MCF2: variants seen among roughly 807,000 people sequenced by gnomAD.
The protein encoded by MCF2 is proto-oncogene DBL.
MCF2 carries 44 observed loss-of-function variants against 82.5 expected under a neutral mutation model. The observed-to-expected ratio is 0.53, with a 90% CI of 0.42 to 0.69. The LOEUF is 0.69. MCF2 is among the 30% of genes least tolerant of loss of function. MCF2 has a pLI of 0.00. For synonymous variants in MCF2, 217 were observed against 224.9 expected (o/e 0.96, Z 0.32); for missense variants, 623 against 663.1 (o/e 0.94, Z 0.66).
intron 1 of MCF2, among the ~76,000 whole-genome samples, chrX:139,698,160 T>C (rs1036370864): frequency 4.5e-5 from 5 of 111,892 alleles, no homozygotes; most frequent in African/African-American, 1.6e-4. Context: ...AAAATAAAAA[T>C]AAAAATAAAA....
chrX:139,636,081 T>C (rs1446905528), intron 1 of MCF2, among the ~76,000 whole-genome samples: 1 of 111,500 alleles, frequency 9.0e-6, no homozygotes, highest in Non-Finnish European at 1.9e-5. Context: ...AATAAGATAG[T>C]TTTAAAATTT....
At chrX:139,685,567 A>G (rs920927207) in intron 1 of MCF2, among the ~76,000 whole-genome samples, 1 of 110,957 alleles carries the variant, frequency 9.0e-6, no homozygotes, top group Non-Finnish European at 1.9e-5. Flanking sequence ...GTCAGCCCTT[A>G]AAAGGGACAG....
chrX:139,614,758 C>T, intron 10 of MCF2, 123 bp downstream of exon 13: 1 of 651,994 alleles, frequency 1.5e-6, no homozygotes. Flanking sequence ...ATAAATATGA[C>T]CAAAGATGCT....
chrX:139,620,023 GTGTGTA>G (rs1307722539), intron 6 of MCF2, among the ~76,000 whole-genome samples: 13 of 99,703 alleles, frequency 1.3e-4, no homozygotes, highest in Non-Finnish European at 1.8e-4. Context: ...GTGTGTGTGT[GTGTGTA>G]TATATATATA....
rs1199212515 is a variant in MCF2 at position 139,686,677 on chromosome X, C to G, written c.-45+21429G>C. ...CCAAAAATGTTAGCATTATCCTTAA[C>G]TCCTCTTTCTCTCATACTCCATATC... On this transcript the variant is annotated intron_variant, in intron 1 of 27. Coordinates refer to the MCF2 transcript ENST00000414978. 3.6e-5 allele frequency among the ~76,000 whole-genome samples: 4 copies of G among 111,579 alleles called. No individual in the cohort carries two copies. The Admixed American group carries it at 3.8e-4, about 11-fold the overall frequency.
chrX:139,586,404 G>A (rs764275180), exon 23 of MCF2: 15 of 1,206,498 alleles, frequency 1.2e-5, no homozygotes, highest in Middle Eastern at 4.6e-4. Flanking sequence ...CTGAACTGAC[G>A]CAATTGCCTC....
intron 19 of MCF2, among the ~76,000 whole-genome samples, chrX:139,590,863 T>G (rs1929458141): frequency 9.1e-6 from 1 of 110,384 alleles, no homozygotes; most frequent in Admixed American, 9.8e-5. Context: ...AAAGCACTTA[T>G]GCTTAGAAAT....
chrX:139,597,439 C>A (rs1375685530), intron 18 of MCF2, 21 bp downstream of exon 22: 1 of 1,168,368 alleles, frequency 8.6e-7, no homozygotes, highest in Non-Finnish European at 1.2e-6. Flanking sequence ...AAAATTCCAA[C>A]AATTATTAAA....
intron 20 of MCF2, among the ~76,000 whole-genome samples, chrX:139,589,463 T>A (rs1279219890): frequency 2.7e-5 from 3 of 111,674 alleles, no homozygotes; most frequent in African/African-American, 9.8e-5. Flanking sequence ...GTCTGAACTG[T>A]CACATCCCCA....
At position 139,697,592 on chromosome X, in the gene MCF2, G is replaced by A. The variant is rs552409832; in HGVS notation, c.-45+10514C>T. ...CCTGAAAAGTATGTTAAATGCAAGG[G>A]AGTCACTTTGACACCCTCAGCTAAG... On this transcript the variant is annotated intron_variant, in intron 1 of 27. Transcript: ENST00000414978. 2.1e-4 allele frequency among the ~76,000 whole-genome samples: 23 copies of A among 111,808 alleles called. 1 individual carries two copies. In the South Asian group the frequency reaches 8.3e-3, roughly 41 times the overall value.
At chrX:139,663,344 T>C (rs966968037) in intron 1 of MCF2, among the ~76,000 whole-genome samples, 8 of 112,154 alleles carry the variant, frequency 7.1e-5, no homozygotes, top group African/African-American at 2.6e-4. Flanking sequence ...GAATGTTCCA[T>C]GTGTAGATGA....
At chrX:139,586,626 T>C (rs972282836) in intron 22 of MCF2, 139 bp from the exon 27 acceptor site, 33 of 427,599 alleles carry the variant, frequency 7.7e-5, no homozygotes, top group Non-Finnish European at 1.1e-4. Flanking sequence ...TACTCCCTAT[T>C]TAAATCTGTG....
chrX:139,687,739 C>A (rs753523411), intron 1 of MCF2, among the ~76,000 whole-genome samples: 6 of 112,072 alleles, frequency 5.4e-5, no homozygotes, highest in Admixed American at 9.5e-5. Flanking sequence ...TGTTATTATG[C>A]CTCGATTAGC....
chrX:139,603,351 C>G (rs1468738711), intron 15 of MCF2, among the ~76,000 whole-genome samples: 1 of 112,176 alleles, frequency 8.9e-6, no homozygotes, highest in Non-Finnish European at 1.9e-5. Flanking sequence ...TATGGACTCT[C>G]GTTCTAAGGG....
At chrX:139,612,306 T>C (rs1220595090) in intron 10 of MCF2, among the ~76,000 whole-genome samples, 5 of 110,457 alleles carry the variant, frequency 4.5e-5, no homozygotes, top group East Asian at 2.8e-4. Flanking sequence ...GAGTTGCCTA[T>C]GGGAAATTCA....
chrX:139,705,609 T>C (rs941978312), intron 1 of MCF2, among the ~76,000 whole-genome samples: 12 of 112,119 alleles, frequency 1.1e-4, no homozygotes, highest in Non-Finnish European at 2.1e-4. Flanking sequence ...ACTATAGAAA[T>C]CCTGGAAGAA....
At chrX:139,597,495 C>A in exon 18 of MCF2, 1 of 1,198,348 alleles carries the variant, frequency 8.3e-7, no homozygotes, top group South Asian at 1.8e-5. Flanking sequence ...TGCATAGAAT[C>A]ATTAACTGAC....
At chrX:139,621,529 AG>A (rs1370761229) in intron 6 of MCF2, among the ~76,000 whole-genome samples, 1 of 111,506 alleles carries the variant, frequency 9.0e-6, no homozygotes, top group Non-Finnish European at 1.9e-5. Flanking sequence ...CTCAAAACAC[AG>A]ATATAGATCA....
intron 1 of MCF2, among the ~76,000 whole-genome samples, chrX:139,683,723 C>T (rs963884037): frequency 9.0e-6 from 1 of 111,441 alleles, no homozygotes; most frequent in Admixed American, 9.6e-5. Flanking sequence ...GACATTTCAA[C>T]GGGGAAAGGA....
Sources: gnomAD v4.1 joint callset for allele counts (sites outside exome capture counted in the v4.1 genomes callset) on GRCh38, gnomAD v4.1.1 for gene constraint, MANE v1.5 for transcripts, NCBI Gene and HGNC (gene_info 2026-07-23, HGNC 2026-07-21) for gene names.